HS6ST3: variants seen among roughly 807,000 people sequenced by gnomAD.
HS6ST3 encodes the protein heparan sulfate 6-O-sulfotransferase 3.
In HS6ST3, 12 loss-of-function variants were observed where a neutral mutation model predicts 36.7. The observed-to-expected ratio is 0.33, with a 90% CI of 0.21 to 0.53. The LOEUF is 0.53. Ranked by LOEUF, HS6ST3 falls within the 20% of genes least tolerant of loss-of-function variation. The pLI is 0.95. For synonymous variants in HS6ST3, 240 were observed against 257.5 expected, an observed-to-expected ratio of 0.93 and a Z score of 0.65; for missense variants, 584 against 640.9, an observed-to-expected ratio of 0.91 and a Z score of 0.96.
intron 1 of HS6ST3, among the ~76,000 whole-genome samples, chr13:96,775,319 T>C (rs1004739803): frequency 3.4e-4 from 51 of 151,710 alleles, no homozygotes; most frequent in African/African-American, 1.2e-3. Context: ...CACAATTGAA[T>C]GCCCACATAA....
intron 1 of HS6ST3, among the ~76,000 whole-genome samples, chr13:96,419,872 C>T (rs961032454): frequency 6.6e-6 from 1 of 152,100 alleles, no homozygotes; most frequent in Non-Finnish European, 1.5e-5. Flanking sequence ...TGCTTTAGGG[C>T]CCACTCCAAT....
At chr13:96,291,985 T>C (rs1393134732) in intron 1 of HS6ST3, among the ~76,000 whole-genome samples, 2 of 152,170 alleles carry the variant, frequency 1.3e-5, no homozygotes, top group Admixed American at 1.3e-4. Context: ...CTAAGAGTTA[T>C]GTTGTAAGTT....
chr13:96,274,470 T>G (rs141592767), intron 1 of HS6ST3, among the ~76,000 whole-genome samples: 14 of 152,216 alleles, frequency 9.2e-5, no homozygotes, highest in African/African-American at 3.1e-4. Flanking sequence ...AGGTAGTTAC[T>G]CCATGTGTGT....
chr13:96,122,556 G>C (rs1047993146), intron 1 of HS6ST3, among the ~76,000 whole-genome samples: 11 of 152,116 alleles, frequency 7.2e-5, no homozygotes, highest in African/African-American at 2.4e-4. Context: ...TGAACAGAAA[G>C]ACACACACAA....
chr13:96,653,897 A>G lies in HS6ST3; in HGVS notation c.708-178593A>G, dbSNP rs530367877. Among the ~76,000 whole-genome samples, 9 of 152,320 alleles carry G rather than the reference A, an allele frequency of 5.9e-5. No homozygotes were observed. In the South Asian group the frequency reaches 1.4e-3, roughly 25 times the overall value. On this transcript the variant is annotated intron_variant, in intron 1 of 1. Coordinates refer to ENST00000376705, the MANE Select transcript of HS6ST3 (RefSeq NM_153456.4). Reference sequence around the variant, plus strand: ...GTTTCCTGACTTTTTAACGGTCACCATTCTAACTGGCGTGAGATGGTATGT... The same window carrying G: ...GTTTCCTGACTTTTTAACGGTCACCGTTCTAACTGGCGTGAGATGGTATGT...
chr13:96,508,327 C>T (rs1277995404), intron 1 of HS6ST3, among the ~76,000 whole-genome samples: 2 of 151,894 alleles, frequency 1.3e-5, no homozygotes, highest in Admixed American at 1.3e-4. Context: ...TGGATCTGTT[C>T]AGTAGCCATC....
chr13:96,648,442 T>C (rs1346047394), intron 1 of HS6ST3, among the ~76,000 whole-genome samples: 1 of 151,788 alleles, frequency 6.6e-6, no homozygotes, highest in Non-Finnish European at 1.5e-5. Context: ...TCTTGTCTCA[T>C]GAGTTTACCT....
intron 1 of HS6ST3, among the ~76,000 whole-genome samples, chr13:96,484,270 A>ACCTTACT (rs1175498030): frequency 6.6e-6 from 1 of 152,028 alleles, no homozygotes; most frequent in East Asian, 1.9e-4. Flanking sequence ...CATGTCAGTC[A>ACCTTACT]CCTTACTCTC....
Position 96,374,974 on chromosome 13 carries a change from G to A in HS6ST3, c.707+283405G>A, listed in dbSNP as rs1453180625. ...TTCATAAGCTTTTCATGCCACACAG[G>A]CCCTAGGAGGTTGGCTCCTGCACAC... is the stretch of plus-strand genomic sequence containing the variant. On this transcript the variant is annotated intron_variant, in intron 1 of 1. Coordinates refer to ENST00000376705, the MANE Select transcript of HS6ST3 (RefSeq NM_153456.4). Among the ~76,000 whole-genome samples the A allele has an allele frequency of 3.3e-5, 5 of 152,108 alleles. No individual in the cohort carries two copies. The East Asian group carries it at 9.7e-4, about 29-fold the overall frequency.
intron 1 of HS6ST3, among the ~76,000 whole-genome samples, chr13:96,260,104 A>G (rs1440322093): frequency 1.3e-5 from 2 of 152,206 alleles, no homozygotes; most frequent in South Asian, 2.1e-4. Context: ...AAAGCATCCA[A>G]TACAACTTCT....
At chr13:96,314,247 C>A (rs932128979) in intron 1 of HS6ST3, among the ~76,000 whole-genome samples, 2 of 151,958 alleles carry the variant, frequency 1.3e-5, no homozygotes, top group African/African-American at 4.8e-5. Context: ...TTGGCTTTTC[C>A]CAGGCTGGAG....
At chr13:96,461,817 T>C (rs2055785800) in intron 1 of HS6ST3, among the ~76,000 whole-genome samples, 1 of 152,274 alleles carries the variant, frequency 6.6e-6, no homozygotes, top group Admixed American at 6.5e-5. Flanking sequence ...AAATTCATTA[T>C]ATGGGGCAAG....
chr13:96,449,221 C>A (rs1489408151), intron 1 of HS6ST3, among the ~76,000 whole-genome samples: 1 of 152,178 alleles, frequency 6.6e-6, no homozygotes, highest in Non-Finnish European at 1.5e-5. Flanking sequence ...CTTGGCCTCC[C>A]AAAATGCTGA....
Position 96,179,815 on chromosome 13 carries a change from C to T in HS6ST3, c.707+88246C>T, listed in dbSNP as rs542583709. Among the ~76,000 whole-genome samples, 4 of 151,612 alleles carry T rather than the reference C, an allele frequency of 2.6e-5. No individual in the cohort carries two copies. In the South Asian group the frequency reaches 6.2e-4, roughly 24 times the overall value. On this transcript the variant is annotated intron_variant, in intron 1 of 1. Coordinates refer to ENST00000376705, the MANE Select transcript of HS6ST3 (RefSeq NM_153456.4). Reference sequence around the variant, plus strand: ...TATCTTTACTTATGTTTTGTATTTCCTGCTATTTTATTTTATTCTATTTAT... The same window carrying T: ...TATCTTTACTTATGTTTTGTATTTCTTGCTATTTTATTTTATTCTATTTAT...
At chr13:96,808,222 C>T (rs767387452) in intron 1 of HS6ST3, among the ~76,000 whole-genome samples, 6 of 152,214 alleles carry the variant, frequency 3.9e-5, no homozygotes, top group Non-Finnish European at 5.9e-5. Flanking sequence ...GTACTTTTGT[C>T]AGTCATGAGT....
At chr13:96,345,707 A>G (rs116460773) in intron 1 of HS6ST3, among the ~76,000 whole-genome samples, 1,894 of 152,154 alleles carry the variant, frequency 0.012, 41 homozygotes, top group African/African-American at 0.044. Context: ...TTGAGATGAA[A>G]CTGTTCTACC....
In HS6ST3 at chr13:96,092,953, A is replaced by G. The variant is rs376041774; in HGVS notation, c.707+1384A>G. ...GGATCCTTTGCTTTTAAATATTTTTAATAGTGTATTACTTTGGATCTTGCC... is the reference window on the plus strand; with the variant it reads ...GGATCCTTTGCTTTTAAATATTTTTGATAGTGTATTACTTTGGATCTTGCC... On this transcript the variant is annotated intron_variant, in intron 1 of 1. Coordinates refer to ENST00000376705, the MANE Select transcript of HS6ST3 (RefSeq NM_153456.4). Among the ~76,000 whole-genome samples, 14 of 152,322 alleles carry G rather than the reference A, an allele frequency of 9.2e-5. No homozygotes were observed. In the South Asian group the frequency reaches 1.5e-3, roughly 16 times the overall value.
chr13:96,773,478 G>T (rs1436828711), intron 1 of HS6ST3, among the ~76,000 whole-genome samples: 1 of 152,108 alleles, frequency 6.6e-6, no homozygotes, highest in African/African-American at 2.4e-5. Flanking sequence ...TGGGACACTC[G>T]AGCTTGGTCC....
At chr13:96,151,139 C>G (rs1394597031) in intron 1 of HS6ST3, among the ~76,000 whole-genome samples, 1 of 152,192 alleles carries the variant, frequency 6.6e-6, no homozygotes, top group Non-Finnish European at 1.5e-5. Flanking sequence ...CACCAGGGCT[C>G]ATGCCTGTAA....
Sources: gnomAD v4.1 joint callset for allele counts (sites outside exome capture counted in the v4.1 genomes callset) on GRCh38, gnomAD v4.1.1 for gene constraint, MANE v1.5 for transcripts, NCBI Gene and HGNC (gene_info 2026-07-23, HGNC 2026-07-21) for gene names.